The following MEGF10 variants were observed in gnomAD, a reference collection of about 807,000 sequenced individuals.
MEGF10 encodes the protein multiple EGF like domains 10, also known as multiple epidermal growth factor-like domains protein 10.
In MEGF10, 86 loss-of-function variants were observed where a neutral mutation model predicts 147.5. The ratio of observed to expected loss-of-function variants is 0.58; its 90% CI spans 0.49 to 0.70. The LOEUF is 0.70. MEGF10 is among the 30% of genes least tolerant of loss of function. The probability of loss-of-function intolerance (pLI) is 0.00; values close to 1 mark genes in which losing one functional copy is unlikely to be tolerated. For missense variants in MEGF10, 1,329 were observed against 1,487.3 expected (o/e 0.89, Z 1.75); for synonymous variants, 478 against 525.5 (o/e 0.91, Z 1.24).
At chr5:127,294,712 T>C (rs1759414422) in intron 1 of MEGF10, among the ~76,000 whole-genome samples, 1 of 151,568 alleles carries the variant, frequency 6.6e-6, no homozygotes, top group African/African-American at 2.4e-5. Flanking sequence ...GGCACAAGAA[T>C]CACTTGAACT....
intron 13 of MEGF10, among the ~76,000 whole-genome samples, chr5:127,430,007 T>C (rs1042003535): frequency 1.3e-5 from 2 of 152,140 alleles, no homozygotes; most frequent in Non-Finnish European, 2.9e-5. Flanking sequence ...GTTTTAGCTG[T>C]ACCCAACACT....
At chr5:127,385,131 A>C (rs182984859) in intron 5 of MEGF10, among the ~76,000 whole-genome samples, 2 of 152,302 alleles carry the variant, frequency 1.3e-5, no homozygotes, top group African/African-American at 4.8e-5. Context: ...TACTTTGCCC[A>C]TGTTTTAGAC....
chr5:127,332,018 A>G (rs1007376028), intron 2 of MEGF10, among the ~76,000 whole-genome samples: 1 of 152,074 alleles, frequency 6.6e-6, no homozygotes, highest in Non-Finnish European at 1.5e-5. Flanking sequence ...CATGTGGACC[A>G]CCGAGAACTG....
At position 127,398,742 on chromosome 5, in the gene MEGF10, T is replaced by G. The variant is rs752309579; in HGVS notation, c.726T>G (p.Asn242Lys). The G allele has an allele frequency of 2.5e-6, 4 of 1,613,892 alleles. No individual in the cohort carries two copies. In the Admixed American group the frequency reaches 5.0e-5, roughly 20 times the overall value. The change falls in exon 7 of 25, where the codon AAT becomes AAG. Residue 242 changes from asparagine (N) to lysine (K), a missense_variant. Physicochemically the swap from Asn to Lys is moderately conservative, Grantham distance 94 (BLOSUM62 0). Transcript: ENST00000503335. ...PQCEQRCPCQ[N>K]GGVCHHVTGE... ...GTGAGCAGAGATGCCCTTGTCAAAA[T>G]GGAGGAGTGTGTCATCACGTCACTG... is the stretch of plus-strand genomic sequence containing the variant.
At chr5:127,260,535 C>A in the MEGF10 span, among the ~76,000 whole-genome samples, 1 of 152,184 alleles carries the variant, frequency 6.6e-6, no homozygotes, top group Admixed American at 6.5e-5. Flanking sequence ...AATGGAATTA[C>A]TCTTAGACCA....
the MEGF10 span, among the ~76,000 whole-genome samples, chr5:127,231,352 T>C: frequency 6.6e-6 from 1 of 152,246 alleles, no homozygotes; most frequent in Non-Finnish European, 1.5e-5. Flanking sequence ...TCCTGCTCCC[T>C]GCTGTTGCCA....
chr5:127,232,061 G>A, the MEGF10 span, among the ~76,000 whole-genome samples: 1 of 152,304 alleles, frequency 6.6e-6, no homozygotes, highest in South Asian at 2.1e-4. Flanking sequence ...AAGTAAGCCC[G>A]GGAAGAGAAA....
At chr5:127,396,846 A>G (rs909627487) in intron 6 of MEGF10, 68 bp downstream of exon 6, 1 of 1,561,344 alleles carries the variant, frequency 6.4e-7, no homozygotes, top group African/African-American at 1.4e-5. Context: ...TGCTGCTGCC[A>G]TCATATTTCT....
chr5:127,251,863 A>G, the MEGF10 span, among the ~76,000 whole-genome samples: 3 of 152,026 alleles, frequency 2.0e-5, no homozygotes, highest in Non-Finnish European at 2.9e-5. Context: ...GACAACCTTC[A>G]GCCTGGATAT....
chr5:127,329,175 T>C (rs988500946), intron 1 of MEGF10, among the ~76,000 whole-genome samples: 1 of 152,232 alleles, frequency 6.6e-6, no homozygotes, highest in Non-Finnish European at 1.5e-5. Flanking sequence ...ATTTTACAAC[T>C]TCATGATGCA....
chr5:127,402,752 A>C, intron 8 of MEGF10, 70 bp downstream of exon 8: 2 of 1,537,828 alleles, frequency 1.3e-6, no homozygotes, highest in Non-Finnish European at 1.8e-6. Context: ...GGGTCCGGGG[A>C]GCATCTTCAA....
the MEGF10 span, among the ~76,000 whole-genome samples, chr5:127,235,415 C>T: frequency 6.6e-6 from 1 of 152,180 alleles, no homozygotes; most frequent in Admixed American, 6.5e-5. Context: ...AACGTTTTGT[C>T]CAGATAGTGT....
At chr5:127,297,332 C>G (rs1759547838) in intron 1 of MEGF10, among the ~76,000 whole-genome samples, 2 of 152,102 alleles carry the variant, frequency 1.3e-5, no homozygotes, top group African/African-American at 4.8e-5. Flanking sequence ...TACCAAGAAG[C>G]TCTTGCCTTC....
intron 13 of MEGF10, among the ~76,000 whole-genome samples, chr5:127,423,666 G>T (rs975495838): frequency 5.3e-5 from 8 of 151,836 alleles, no homozygotes; most frequent in African/African-American, 1.9e-4. Context: ...TGCATTTATT[G>T]GTCATCTCTA....
At chr5:127,393,307 A>G (rs926557113) in intron 5 of MEGF10, among the ~76,000 whole-genome samples, 4 of 152,218 alleles carry the variant, frequency 2.6e-5, no homozygotes, top group African/African-American at 4.8e-5. Flanking sequence ...ATTCTGCACT[A>G]AACATAAGGA....
chr5:127,398,555 A>C, intron 6 of MEGF10, 121 bp from the exon 7 acceptor site: 2 of 1,165,498 alleles, frequency 1.7e-6, no homozygotes, highest in Non-Finnish European at 2.5e-6. Flanking sequence ...ATGTTAATTA[A>C]TTAAATGAAC....
At chr5:127,452,037 G>C (rs150713929) in intron 22 of MEGF10, among the ~76,000 whole-genome samples, 2 of 152,118 alleles carry the variant, frequency 1.3e-5, no homozygotes, top group Non-Finnish European at 2.9e-5. Flanking sequence ...GTACTGGCTC[G>C]TTTTGTGAAT....
the MEGF10 span, among the ~76,000 whole-genome samples, chr5:127,253,739 A>G: frequency 6.6e-6 from 1 of 152,034 alleles, no homozygotes; most frequent in Non-Finnish European, 1.5e-5. Flanking sequence ...AGGCAAAAAT[A>G]ACAGAAAATT....
At chr5:127,413,825 A>C (rs1322272162) in intron 9 of MEGF10, among the ~76,000 whole-genome samples, 1 of 152,214 alleles carries the variant, frequency 6.6e-6, no homozygotes, top group African/African-American at 2.4e-5. Flanking sequence ...AATCAGTCTG[A>C]AAACCAGTGT....
Sources: gnomAD v4.1 joint callset for allele counts (sites outside exome capture counted in the v4.1 genomes callset) on GRCh38, gnomAD v4.1.1 for gene constraint, MANE v1.5 for transcripts, NCBI Gene and HGNC (gene_info 2026-07-23, HGNC 2026-07-21) for gene names.